MOV10: variants seen among roughly 807,000 people sequenced by gnomAD.
The protein encoded by MOV10 is Mov10 RNA helicase, also known as RNA helicase MOV-10.
In MOV10, 39 loss-of-function variants were observed where a neutral mutation model predicts 108.4. The observed-to-expected ratio is 0.36, with a 90% CI of 0.28 to 0.47. MOV10 has a LOEUF of 0.47. MOV10 is among the 20% of genes least tolerant of loss of function. The pLI, the probability that MOV10 is intolerant of heterozygous loss-of-function variation, is 1.00. For synonymous variants in MOV10, 490 were observed against 523.1 expected, an observed-to-expected ratio of 0.94 and a Z score of 0.86; for missense variants, 952 against 1,297.6, an observed-to-expected ratio of 0.73 and a Z score of 4.09.
intron 5 of MOV10, 131 bp downstream of exon 5, chr1:112,690,229 A>G (rs1195290612): frequency 8.2e-7 from 1 of 1,215,552 alleles, no homozygotes; most frequent in African/African-American, 1.5e-5. Context: ...TGGGTCTCAG[A>G]GAATTTTTCT....
rs74467987 is a variant in MOV10, at chr1:112,689,610, C to T, written c.537C>T (p.Phe179=). 4,160 of 1,614,212 alleles carry T rather than the reference C, an allele frequency of 2.6e-3. 167 individuals carry two copies. The East Asian group carries it at 0.079, about 31-fold the overall frequency. The stretch of plus-strand genomic sequence containing the variant: ...TCTGCCGGACACCCCAGTTTGCTTT[C>T]TACAATGAAGACCAGGAGTTGCCCT... The part of the protein sequence containing the change: ...FPLCRTPQFA[F]YNEDQELPCP... The change falls in exon 4 of 21, where the codon TTC becomes TTT. Residue 179 remains phenylalanine (F), a synonymous_variant. Coordinates refer to ENST00000369645, the MANE Select transcript of MOV10 (RefSeq NM_001321324.2).
intron 14 of MOV10, 123 bp downstream of exon 14, chr1:112,696,969 C>T: frequency 1.2e-6 from 1 of 827,934 alleles, no homozygotes. Flanking sequence ...TGCAGAAAGA[C>T]TAAACTGGAA....
chr1:112,689,394 CTT>C lies in MOV10; in HGVS notation c.342-20_342-19del. 4.7e-6 allele frequency: 7 copies of C among 1,499,100 alleles called. No individual in the cohort carries two copies. Among genetic ancestry groups the C allele is most frequent in the Non-Finnish European group, 5.6e-6 (6 of 1,076,004 alleles). 92.9% of individuals were successfully genotyped at this position (1,499,100 alleles called of 1,614,324 possible). On this transcript the variant is annotated intron_variant, in intron 3 of 20. Coordinates refer to ENST00000369645, the MANE Select transcript of MOV10 (RefSeq NM_001321324.2). ...CAGACCGCTCCCACCCCAACCCCCC[CTT>C]GACTCCCCTTCTCCCCAGGGCTGAG...
Position 112,689,530 on chromosome 1 carries a change from C to A in MOV10, c.457C>A (p.Leu153Met). 1.9e-6 allele frequency: 3 copies of A among 1,614,210 alleles called. No individual in the cohort carries two copies. The highest frequency in any genetic ancestry group is 2.5e-6 in the Non-Finnish European group (3 of 1,180,034). The change falls in exon 4 of 21, where the codon CTG (leucine) becomes ATG (methionine). Residue 153 changes from leucine (L) to methionine (M), a missense_variant. Leu to Met is a conservative substitution (Grantham distance 15, BLOSUM62 2). Around this residue, in one of 5 missense-constraint regions of MOV10, gnomAD observed 374 missense variants for 468.6 expected, o/e 0.80. Transcript: ENST00000369645. ...TTTGAACCGCAAAGAGGTGCTGACC[C>A]TGAGGCTTCGGAATGGCGGAACCCA... is the stretch of plus-strand genomic sequence containing the variant. Reference protein sequence around the residue: ...LDLNRKEVLTLRLRNGGTQSV... With the variant: ...LDLNRKEVLTMRLRNGGTQSV...
At chr1:112,686,660 G>A (rs1239185116) in intron 2 of MOV10, among the ~76,000 whole-genome samples, 1 of 152,080 alleles carries the variant, frequency 6.6e-6, no homozygotes, top group African/African-American at 2.4e-5. Context: ...AATCTCAAAC[G>A]CATCATATCC....
intron 2 of MOV10, 186 bp from the exon 3 acceptor site, chr1:112,688,749 C>T (rs1673291152): frequency 1.0e-5 from 15 of 1,439,620 alleles, no homozygotes; most frequent in East Asian, 2.5e-5. Context: ...CATTGCCTTC[C>T]CTGAAAACAT....
At chr1:112,683,593 C>G (rs965780310) in intron 2 of MOV10, among the ~76,000 whole-genome samples, 3 of 152,152 alleles carry the variant, frequency 2.0e-5, no homozygotes, top group African/African-American at 4.8e-5. Context: ...CCTACCTCAG[C>G]CTTCCAAAGT....
rs115357427 is a variant in MOV10, at chr1:112,679,781, A to G, written c.137+4732A>G. 8.3e-3 allele frequency among the ~76,000 whole-genome samples: 1,261 copies of G among 152,242 alleles called. 26 individuals are homozygous for G. Among genetic ancestry groups the G allele is most frequent in the African/African-American group, 0.029 (1,198 of 41,478 alleles). ...AAAAGATAGGAGTTTTTGTAATCAA[A>G]TTGTCAAAAATTTAAAACATTGAAA... On this transcript the variant is annotated intron_variant, in intron 2 of 20. Coordinates refer to ENST00000369645, the MANE Select transcript of MOV10 (RefSeq NM_001321324.2).
chr1:112,697,916 A>C, intron 14 of MOV10, 78 bp from the exon 15 acceptor site: 1 of 1,197,588 alleles, frequency 8.4e-7, no homozygotes, highest in African/African-American at 1.5e-5. Context: ...GTGTGGGCCC[A>C]GAGTGGGTAG....
chr1:112,694,839 C>G lies in MOV10; in HGVS notation c.1563C>G (p.Ile521Met), dbSNP rs1673923497. ...VTGTTRPAPYIIFGPPGTGKT... is the reference protein window; with the variant it reads ...VTGTTRPAPYMIFGPPGTGKT... Reference sequence around the variant, plus strand: ...GCACCACCCGTCCAGCCCCCTACATCATCTTTGGGCCTCCAGGCACCGGCA... The same window carrying G: ...GCACCACCCGTCCAGCCCCCTACATGATCTTTGGGCCTCCAGGCACCGGCA... The change falls in exon 10 of 21, where the codon ATC becomes ATG. Residue 521 changes from isoleucine (I) to methionine (M), a missense_variant. Ile to Met is a conservative substitution (Grantham distance 10). Around this residue, in one of 5 missense-constraint regions of MOV10, gnomAD observed 453 missense variants for 611.5 expected, o/e 0.74. Transcript: ENST00000369645. The surrounding 1 kb of genome is among the most constrained non-coding windows in gnomAD (Gnocchi z 4.1). The G allele has an allele frequency of 6.2e-7, 1 of 1,614,054 alleles. No homozygotes were observed. The highest frequency in any genetic ancestry group is 2.2e-5 in the East Asian group (1 of 44,886).
intron 5 of MOV10, among the ~76,000 whole-genome samples, chr1:112,690,911 A>G (rs1450490949): frequency 6.6e-6 from 1 of 152,180 alleles, no homozygotes; most frequent in Admixed American, 6.5e-5. Context: ...TGGATACTTC[A>G]TATGGATGGA....
chr1:112,691,926 C>A, intron 6 of MOV10, 127 bp downstream of exon 6: 1 of 1,009,832 alleles, frequency 9.9e-7, no homozygotes, highest in Non-Finnish European at 1.5e-6. Context: ...GAGCACGCAC[C>A]ATACACCAAG....
At chr1:112,680,100 TC>T (rs1161146779) in intron 2 of MOV10, among the ~76,000 whole-genome samples, 1 of 152,142 alleles carries the variant, frequency 6.6e-6, no homozygotes, top group Non-Finnish European at 1.5e-5. Flanking sequence ...ATACATGCTA[TC>T]TTTTGTAGCC....
At position 112,696,723 on chromosome 1, in the gene MOV10, T is replaced by C. The variant is rs780784924; in HGVS notation, c.2075T>C (p.Leu692Pro). The C allele has an allele frequency of 1.2e-6, 2 of 1,607,168 alleles. No homozygotes were observed. The highest frequency in any genetic ancestry group is 3.4e-5 in the Admixed American group (2 of 58,872). Residue 692 changes from leucine (L) to proline (P), a missense_variant, in exon 14 of 21, where the codon CTG becomes CCG. Coordinates refer to ENST00000369645, the MANE Select transcript of MOV10 (RefSeq NM_001321324.2). ...RQLGPVLRSP[L>P]TQKHGLGYSL... ...CTGGGGCCTGTGCTGCGTTCCCCAC[T>C]GACCCAGAAGCATGGACTGGGATAC... is the stretch of plus-strand genomic sequence containing the variant.
intron 2 of MOV10, among the ~76,000 whole-genome samples, chr1:112,678,121 C>A (rs958542271): frequency 6.6e-6 from 1 of 151,964 alleles, no homozygotes; most frequent in East Asian, 1.9e-4. Context: ...TTCCATTTCC[C>A]CAACTGTAAG....
chr1:112,696,648 A>G lies in MOV10; in HGVS notation c.2000A>G (p.Glu667Gly). Residue 667 changes from glutamate (E) to glycine (G), a missense_variant, in exon 14 of 21, where the codon GAA becomes GGA. By Grantham distance (98) the Glu-to-Gly change is moderately conservative (BLOSUM62 -2). Coordinates refer to ENST00000369645, the MANE Select transcript of MOV10 (RefSeq NM_001321324.2). ...TTCCCAGGGCTGATGGAAGTAAAGG[A>G]AACAGGTGATCCAGGAGGGCAGCTG... ...VAIAGLMEVK[E>G]TGDPGGQLVL... 6.2e-7 allele frequency: 1 copy of G among 1,612,294 alleles called. No individual in the cohort carries two copies. The highest frequency in any genetic ancestry group is 8.5e-7 in the Non-Finnish European group (1 of 1,179,150).
intron 2 of MOV10, among the ~76,000 whole-genome samples, chr1:112,680,897 T>C (rs1373505440): frequency 6.6e-6 from 1 of 151,312 alleles, no homozygotes; most frequent in African/African-American, 2.4e-5. Flanking sequence ...GAGACGAGGT[T>C]TCACCATATT....
intron 5 of MOV10, among the ~76,000 whole-genome samples, chr1:112,690,571 G>A (rs2999157): frequency 0.51 from 76,978 of 151,680 alleles, 19,948 homozygotes; most frequent in South Asian, 0.66. Context: ...TGTTGGCCAG[G>A]CTGGTCTCGA....
chr1:112,686,527 G>T (rs762883695), intron 2 of MOV10, among the ~76,000 whole-genome samples: 11 of 152,284 alleles, frequency 7.2e-5, no homozygotes, highest in Non-Finnish European at 1.2e-4. Context: ...TCCCTGGGGA[G>T]ATTCCTACAC....
Sources: allele counts gnomAD v4.1 joint callset (sites outside exome capture counted in the v4.1 genomes callset), GRCh38; gene constraint gnomAD v4.1.1; regional missense constraint gnomAD v4.1.1; non-coding constraint Gnocchi (gnomAD v3.1); transcripts MANE v1.5; gene names NCBI Gene and HGNC (gene_info 2026-07-23, HGNC 2026-07-21).